Variants in TMCC1 observed in about 807,000 individuals in gnomAD.
TMCC1 encodes the protein transmembrane and coiled-coil domains protein 1.
A neutral mutation model predicts 52.4 loss-of-function variants in TMCC1; 15 were observed. That is an observed-to-expected ratio of 0.29 (90% CI 0.19 to 0.44). The LOEUF (loss-of-function observed/expected upper bound fraction) is 0.44. TMCC1 is among the 20% of genes least tolerant of loss of function. The pLI is 1.00. For synonymous variants in TMCC1, 279 were observed against 301.9 expected (o/e 0.92, Z 0.79); for missense variants, 503 against 806.0 (o/e 0.62, Z 4.55).
intron 2 of TMCC1, among the ~76,000 whole-genome samples, chr3:129,878,401 A>G (rs1308551819): frequency 6.6e-6 from 1 of 152,188 alleles, no homozygotes; most frequent in African/African-American, 2.4e-5. Flanking sequence ...CAGAAACTCA[A>G]TACAAAAACC....
In TMCC1 at chr3:129,880,555, A is replaced by C. The variant is rs1221217415; in HGVS notation, c.-430T>G. 1 of 152,194 alleles carries C rather than the reference A, an allele frequency of 6.6e-6. No homozygotes were observed. Among genetic ancestry groups the C allele is most frequent in the African/African-American group, 2.4e-5 (1 of 41,440 alleles). The allele number at this position is 152,194 out of a possible 1,614,324, so 9.4% of individuals were successfully genotyped here. The stretch of plus-strand genomic sequence containing the variant: ...TGTGGATGTGTCTTCTCCAGAGATT[A>C]ATACCTGCTGGGACAGAGAAGCAAG... On this transcript the variant is annotated 5_prime_UTR_variant, in exon 2 of 7. It adds an upstream start codon to the 5' untranslated region. Transcript: ENST00000393238.
At chr3:129,833,347 G>T (rs1031869662) in intron 2 of TMCC1, among the ~76,000 whole-genome samples, 2 of 152,128 alleles carry the variant, frequency 1.3e-5, no homozygotes, top group African/African-American at 4.8e-5. Flanking sequence ...GAGGCAGGAA[G>T]ATCATCTGAG....
At chr3:129,726,868 CAAAAAAAAAAAAAAAAAAAAAAA>C (rs550398948) in intron 4 of TMCC1, among the ~76,000 whole-genome samples, 1 of 12,814 alleles carries the variant, frequency 7.8e-5, no homozygotes, top group African/African-American at 2.2e-4. Flanking sequence ...GACTCTGTCT[CAAAAAAAAAAAAAAAAAAAAAAA>C]AAAAAAAGAA....
intron 2 of TMCC1, among the ~76,000 whole-genome samples, chr3:129,841,769 GT>G (rs1401557736): frequency 3.3e-5 from 5 of 152,160 alleles, no homozygotes; most frequent in African/African-American, 1.2e-4. Flanking sequence ...TGCTGTTCTT[GT>G]GATAGTGAGT....
rs75210873 is a variant in TMCC1 at position 129,803,405 on chromosome 3, A to C, written c.576+24398T>G. Among the ~76,000 whole-genome samples, 33 of 152,338 alleles carry C rather than the reference A, an allele frequency of 2.2e-4. No individual in the cohort carries two copies. In the East Asian group the frequency reaches 5.8e-3, roughly 27 times the overall value. On this transcript the variant is annotated intron_variant, in intron 4 of 6. Coordinates refer to ENST00000393238, the MANE Select transcript of TMCC1 (RefSeq NM_001017395.5). ...ATGGGTTTAGAGTTTCAGGCTTGAA[A>C]GATGAAAAAATTTTGGAAATCTGTT... is the stretch of plus-strand genomic sequence containing the variant.
chr3:129,804,790 G>A (rs1355297807), intron 4 of TMCC1, among the ~76,000 whole-genome samples: 1 of 152,044 alleles, frequency 6.6e-6, no homozygotes, highest in Admixed American at 6.6e-5. Flanking sequence ...GCAGCTCTAG[G>A]ACCTACTAGT....
At chr3:129,846,248 T>C (rs986039925) in intron 2 of TMCC1, among the ~76,000 whole-genome samples, 1 of 151,988 alleles carries the variant, frequency 6.6e-6, no homozygotes, top group Non-Finnish European at 1.5e-5. Context: ...TAGCTGGGCA[T>C]AGTGGCACAT....
chr3:129,802,730 T>G lies in TMCC1; in HGVS notation c.576+25073A>C, dbSNP rs374201543. Among the ~76,000 whole-genome samples, 86 of 152,256 alleles carry G rather than the reference T, an allele frequency of 5.6e-4. 2 individuals are homozygous for G. In the South Asian group the frequency reaches 0.017, roughly 31 times the overall value. ...CATGTCGCACACCTGTTTGTGCCCC[T>G]CTCTCCCTACATGGCATAGCATAGA... On this transcript the variant is annotated intron_variant, in intron 4 of 6. Transcript: ENST00000393238.
At chr3:129,698,762 GT>G (rs2047599500) in intron 4 of TMCC1, among the ~76,000 whole-genome samples, 1 of 151,844 alleles carries the variant, frequency 6.6e-6, no homozygotes, top group Non-Finnish European at 1.5e-5. Context: ...ATATTTTTAC[GT>G]TTTTAAGGAG....
chr3:129,751,757 C>T (rs2052547963), intron 4 of TMCC1, among the ~76,000 whole-genome samples: 1 of 152,082 alleles, frequency 6.6e-6, no homozygotes, highest in Non-Finnish European at 1.5e-5. Context: ...CACAGGGTTT[C>T]ACCATGTTGG....
chr3:129,844,355 T>C (rs2059565433), intron 2 of TMCC1, among the ~76,000 whole-genome samples: 1 of 152,142 alleles, frequency 6.6e-6, no homozygotes, highest in African/African-American at 2.4e-5. Flanking sequence ...GAAAGAAACA[T>C]ACAAAGTATG....
At position 129,744,296 on chromosome 3, in the gene TMCC1, C is replaced by G. The variant is rs577230879; in HGVS notation, c.577-73032G>C. On this transcript the variant is annotated intron_variant, in intron 4 of 6. Coordinates refer to ENST00000393238, the MANE Select transcript of TMCC1 (RefSeq NM_001017395.5). Reference sequence around the variant, plus strand: ...CCTCAATACAACCCATTTAACTTCACCACTTTCTTTTTCCTTTTCTAGTTT... The same window carrying G: ...CCTCAATACAACCCATTTAACTTCAGCACTTTCTTTTTCCTTTTCTAGTTT... Among the ~76,000 whole-genome samples, 8 of 152,236 alleles carry G rather than the reference C, an allele frequency of 5.3e-5. No individual in the cohort carries two copies. In the South Asian group the frequency reaches 1.7e-3, roughly 32 times the overall value.
intron 4 of TMCC1, 194 bp downstream of exon 4, chr3:129,827,609 A>C: frequency 4.9e-6 from 3 of 618,440 alleles, no homozygotes; most frequent in Non-Finnish European, 8.2e-6. Flanking sequence ...GTTAGGAAGG[A>C]AATAGGAATA....
intron 2 of TMCC1, among the ~76,000 whole-genome samples, chr3:129,838,752 C>CAAAAAA (rs35240365): frequency 1.5e-5 from 1 of 65,826 alleles, no homozygotes; most frequent in Non-Finnish European, 2.5e-5. Context: ...GACTCTGTCT[C>CAAAAAA]AAAAAAAAAA....
At chr3:129,781,307 C>T (rs904937652) in intron 4 of TMCC1, among the ~76,000 whole-genome samples, 2 of 152,148 alleles carry the variant, frequency 1.3e-5, no homozygotes, top group African/African-American at 4.8e-5. Flanking sequence ...CACATTAATT[C>T]ACTCAATAAA....
chr3:129,662,174 C>T (rs193120027), intron 5 of TMCC1, among the ~76,000 whole-genome samples: 1 of 152,018 alleles, frequency 6.6e-6, no homozygotes, highest in East Asian at 1.9e-4. Flanking sequence ...CAAATCGGGG[C>T]AGAGGAGATG....
chr3:129,773,403 A>G (rs974673101), intron 4 of TMCC1, among the ~76,000 whole-genome samples: 4 of 152,232 alleles, frequency 2.6e-5, no homozygotes, highest in Non-Finnish European at 4.4e-5. Flanking sequence ...AGCTAGGGGG[A>G]AAAAAAGCTG....
intron 4 of TMCC1, among the ~76,000 whole-genome samples, chr3:129,767,699 G>A (rs921057757): frequency 1.3e-5 from 2 of 151,974 alleles, no homozygotes; most frequent in Non-Finnish European, 2.9e-5. Flanking sequence ...TCTACTTTCT[G>A]TCTCTCTAGA....
At chr3:129,790,179 C>T (rs1038310196) in intron 4 of TMCC1, among the ~76,000 whole-genome samples, 2 of 152,128 alleles carry the variant, frequency 1.3e-5, no homozygotes, top group Non-Finnish European at 2.9e-5. Flanking sequence ...TACCTCTACC[C>T]TAAAGTAAGT....
Sources: allele counts gnomAD v4.1 joint callset (sites outside exome capture counted in the v4.1 genomes callset), GRCh38; gene constraint gnomAD v4.1.1; transcripts MANE v1.5; gene names NCBI Gene and HGNC (gene_info 2026-07-23, HGNC 2026-07-21).